Variants in SHISA9 observed in about 807,000 individuals in gnomAD.
The protein encoded by SHISA9 is shisa family member 9, also known as protein shisa-9.
In SHISA9, 13 loss-of-function variants were observed where a neutral mutation model predicts 38.0. That is an observed-to-expected ratio of 0.34 (90% confidence interval 0.22 to 0.54). The LOEUF is 0.54. SHISA9 is among the 20% of genes least tolerant of loss of function. SHISA9 has a pLI of 0.91. For missense variants in SHISA9, 538 were observed against 575.8 expected, an observed-to-expected ratio of 0.93 and a Z score of 0.67; for synonymous variants, 275 against 242.0, an observed-to-expected ratio of 1.14 and a Z score of -1.27.
chr16:13,292,994 T>G, the SHISA9 span, among the ~76,000 whole-genome samples: 1 of 152,122 alleles, frequency 6.6e-6, no homozygotes, highest in Non-Finnish European at 1.5e-5. Context: ...ATGAGGATCT[T>G]TTTTCAAGAA....
At chr16:13,366,751 G>A in the SHISA9 span, among the ~76,000 whole-genome samples, 1 of 152,142 alleles carries the variant, frequency 6.6e-6, no homozygotes, top group African/African-American at 2.4e-5. Context: ...GCTTTGGGAG[G>A]CCGAGGTGGG....
intron 2 of SHISA9, among the ~76,000 whole-genome samples, chr16:13,201,636 G>C (rs1371071758): frequency 2.3e-5 from 3 of 131,550 alleles, no homozygotes; most frequent in African/African-American, 9.1e-5. Flanking sequence ...TACAGAAAAA[G>C]TTTCCCGACT....
At chr16:13,019,780 CTTTCTT>C (rs1368110437) in intron 2 of SHISA9, among the ~76,000 whole-genome samples, 1 of 112,424 alleles carries the variant, frequency 8.9e-6, no homozygotes, top group Non-Finnish European at 1.9e-5. Flanking sequence ...TTCTTTCTTT[CTTTCTT>C]TCTTTCTTTC....
chr16:13,213,226 A>G (rs1268433888), intron 3 of SHISA9, 27 bp from the exon 4 acceptor site: 1 of 1,550,548 alleles, frequency 6.4e-7, no homozygotes, highest in South Asian at 1.2e-5. Context: ...ACAGATCATC[A>G]GCATTTCTTG....
intron 2 of SHISA9, among the ~76,000 whole-genome samples, chr16:13,168,032 G>A (rs910349446): frequency 6.6e-6 from 1 of 152,162 alleles, no homozygotes; most frequent in African/African-American, 2.4e-5. Context: ...TTCTGTGCTT[G>A]ATGCTTTGAT....
At chr16:13,021,810 A>G (rs550563928) in intron 2 of SHISA9, among the ~76,000 whole-genome samples, 2 of 152,362 alleles carry the variant, frequency 1.3e-5, no homozygotes, top group East Asian at 3.9e-4. Flanking sequence ...TTTATTAGAC[A>G]GGAATAACTG....
chr16:13,406,804 C>T, the SHISA9 span, among the ~76,000 whole-genome samples: 1 of 152,140 alleles, frequency 6.6e-6, no homozygotes, highest in Non-Finnish European at 1.5e-5. Flanking sequence ...TGCGGTGGCT[C>T]ATGCCTGTAA....
At chr16:13,038,114 C>T (rs906864969) in intron 2 of SHISA9, among the ~76,000 whole-genome samples, 19 of 152,230 alleles carry the variant, frequency 1.2e-4, no homozygotes, top group African/African-American at 4.1e-4. Flanking sequence ...CTCAGCCACC[C>T]GAGTAGCTGG....
the SHISA9 span, among the ~76,000 whole-genome samples, chr16:13,263,949 C>G: frequency 6.6e-6 from 1 of 151,754 alleles, no homozygotes; most frequent in South Asian, 2.1e-4. Context: ...TCCTTATATA[C>G]CTGTTTCTTT....
At chr16:13,158,416 G>A (rs1472559594) in intron 2 of SHISA9, among the ~76,000 whole-genome samples, 1 of 152,146 alleles carries the variant, frequency 6.6e-6, no homozygotes, top group Non-Finnish European at 1.5e-5. Flanking sequence ...AAACTGAGAA[G>A]AAACAAAGAG....
At chr16:12,921,880 C>T (rs2071333495) in intron 2 of SHISA9, among the ~76,000 whole-genome samples, 1 of 152,212 alleles carries the variant, frequency 6.6e-6, no homozygotes, top group Non-Finnish European at 1.5e-5. Flanking sequence ...GTAATATCAG[C>T]AGTGACTTAC....
the SHISA9 span, among the ~76,000 whole-genome samples, chr16:13,401,489 A>AC: frequency 2.0e-5 from 3 of 152,140 alleles, no homozygotes; most frequent in Admixed American, 6.5e-5. Flanking sequence ...TGAAGGCCTA[A>AC]CCCCCCAGTG....
chr16:13,143,682 C>A (rs2050422411), intron 2 of SHISA9, among the ~76,000 whole-genome samples: 2 of 152,162 alleles, frequency 1.3e-5, no homozygotes, highest in African/African-American at 4.8e-5. Context: ...ATCAAACAGA[C>A]AATGCAGAGG....
In SHISA9 at chr16:13,109,378, C is replaced by T. The variant is rs116361606; in HGVS notation, c.692-94016C>T. On this transcript the variant is annotated intron_variant, in intron 2 of 4. Transcript: ENST00000558583. Reference sequence around the variant, plus strand: ...GGCCCAACTTGGCTTATTACTCATTCACTCATTTCTCCTTACTCACCACCT... The same window carrying T: ...GGCCCAACTTGGCTTATTACTCATTTACTCATTTCTCCTTACTCACCACCT... 7.5e-3 allele frequency among the ~76,000 whole-genome samples: 1,143 copies of T among 152,230 alleles called. 17 individuals carry two copies. The highest frequency in any genetic ancestry group is 0.026 in the African/African-American group (1,081 of 41,516).
the SHISA9 span, among the ~76,000 whole-genome samples, chr16:13,295,486 G>A: frequency 1.1e-4 from 17 of 152,066 alleles, no homozygotes; most frequent in African/African-American, 3.6e-4. Flanking sequence ...CCCTGGCATC[G>A]GCCCAGGGTA....
chr16:13,293,009 A>G, the SHISA9 span, among the ~76,000 whole-genome samples: 1 of 152,192 alleles, frequency 6.6e-6, no homozygotes, highest in Admixed American at 6.5e-5. Flanking sequence ...CAAGAACAAG[A>G]TGAAGCAAAC....
chr16:13,022,087 T>G (rs1000777237), intron 2 of SHISA9, among the ~76,000 whole-genome samples: 5 of 152,142 alleles, frequency 3.3e-5, no homozygotes, highest in Non-Finnish European at 4.4e-5. Context: ...ATAATTCCAT[T>G]TCCTGCCTCT....
chr16:13,196,133 C>G (rs180916468), intron 2 of SHISA9, among the ~76,000 whole-genome samples: 2 of 134,736 alleles, frequency 1.5e-5, no homozygotes, highest in East Asian at 4.6e-4. Flanking sequence ...TGTGGTGGCT[C>G]ACGCCTGTAA....
intron 2 of SHISA9, among the ~76,000 whole-genome samples, chr16:13,045,764 G>C (rs2073180936): frequency 7.0e-6 from 1 of 142,640 alleles, no homozygotes; most frequent in Non-Finnish European, 1.6e-5. Context: ...TGCCCCCACT[G>C]TGTCCCCCAG....
Sources: gnomAD v4.1 joint callset for allele counts (sites outside exome capture counted in the v4.1 genomes callset) on GRCh38, gnomAD v4.1.1 for gene constraint, MANE v1.5 for transcripts, NCBI Gene and HGNC (gene_info 2026-07-23, HGNC 2026-07-21) for gene names.